Variants in ZFHX3 observed in about 807,000 individuals in gnomAD.
ZFHX3 encodes the protein zinc finger homeobox protein 3.
In ZFHX3, 42 loss-of-function variants were observed where a neutral mutation model predicts 279.1. That is an observed-to-expected ratio of 0.15 (90% confidence interval 0.12 to 0.19). The LOEUF is 0.19. ZFHX3 is among the 10% of genes least tolerant of loss of function. ZFHX3 has a pLI of 1.00. For synonymous variants in ZFHX3, 2,293 were observed against 1,957.8 expected, an observed-to-expected ratio of 1.17 and a Z score of -4.52; for missense variants, 4,981 against 4,754.0, an observed-to-expected ratio of 1.05 and a Z score of -1.40.
At position 73,757,454 on chromosome 16, in the gene ZFHX3, G is replaced by GT. The variant is rs530679388; in HGVS notation, c.-1607-77215dup. ...CAACTTACTCTTTTTCTACAATTCA[G>GT]TTTTTTCGTCTATGAAAATCAGAAA... On this transcript the variant is annotated intron_variant, in intron 1 of 17. Transcript: ENST00000641206. 2.6e-5 allele frequency among the ~76,000 whole-genome samples: 4 copies of GT among 152,134 alleles called. No individual in the cohort carries two copies. In the South Asian group the frequency reaches 8.3e-4, roughly 31 times the overall value.
intron 1 of ZFHX3, among the ~76,000 whole-genome samples, chr16:73,687,319 G>T (rs1273060105): frequency 6.6e-6 from 1 of 150,980 alleles, no homozygotes; most frequent in Non-Finnish European, 1.5e-5. Context: ...TTGAGCTTGG[G>T]AGGTGGAGGC....
chr16:73,262,258 CT>C (rs2013847693), intron 4 of ZFHX3, among the ~76,000 whole-genome samples: 1 of 152,108 alleles, frequency 6.6e-6, no homozygotes, highest in African/African-American at 2.4e-5. Context: ...CAAGAAAAAC[CT>C]TTTAAAAGCA....
At chr16:72,888,530 G>A (rs549919804) in intron 4 of ZFHX3, among the ~76,000 whole-genome samples, 2 of 152,326 alleles carry the variant, frequency 1.3e-5, no homozygotes, top group South Asian at 4.1e-4. Flanking sequence ...CCGAGGACCA[G>A]GCCACAGTGC....
At chr16:73,646,584 G>A (rs2052620148) in intron 2 of ZFHX3, among the ~76,000 whole-genome samples, 1 of 152,000 alleles carries the variant, frequency 6.6e-6, no homozygotes, top group Non-Finnish European at 1.5e-5. Context: ...AGAAAGGAAA[G>A]ACAATTAATA....
At chr16:73,702,266 T>C (rs1005217979) in intron 1 of ZFHX3, among the ~76,000 whole-genome samples, 1 of 152,082 alleles carries the variant, frequency 6.6e-6, no homozygotes, top group Non-Finnish European at 1.5e-5. Flanking sequence ...AGAAAAGTCC[T>C]GAGCTGAAAC....
At position 73,613,743 on chromosome 16, in the gene ZFHX3, G is replaced by T. The variant is rs144020588; in HGVS notation, c.-1547+66437C>A. On this transcript the variant is annotated intron_variant, in intron 2 of 17. Coordinates refer to the ZFHX3 transcript ENST00000641206. The stretch of plus-strand genomic sequence containing the variant: ...GAGATTGTGTGCCCCGTTTCACTAG[G>T]CATGGTGCTCAGGATTGGTGCCGGC... Among the ~76,000 whole-genome samples, 277 of 152,276 alleles carry T rather than the reference G, an allele frequency of 1.8e-3. 2 individuals are homozygous for T. Among genetic ancestry groups the T allele is most frequent in the Middle Eastern group, 6.8e-3 (2 of 294 alleles).
intron 5 of ZFHX3, among the ~76,000 whole-genome samples, chr16:73,156,250 A>C (rs559433033): frequency 6.7e-6 from 1 of 149,940 alleles, no homozygotes; most frequent in Admixed American, 6.6e-5. Flanking sequence ...AAAAAAAAAA[A>C]AGACTATATA....
chr16:73,493,151 G>C (rs141965127), intron 2 of ZFHX3, among the ~76,000 whole-genome samples: 80 of 151,818 alleles, frequency 5.3e-4, no homozygotes, highest in African/African-American at 1.8e-3. Context: ...CTTTCAGTCT[G>C]TCTTGTGTCA....
intron 1 of ZFHX3, among the ~76,000 whole-genome samples, chr16:73,769,039 A>G (rs1597105953): frequency 6.6e-6 from 1 of 152,140 alleles, no homozygotes; most frequent in South Asian, 2.1e-4. Context: ...TACTTAAAAA[A>G]TGATTCATTG....
chr16:73,275,984 T>TGG lies in ZFHX3; in HGVS notation c.-1193-18850_-1193-18849dup, dbSNP rs138806449. On this transcript the variant is annotated intron_variant, in intron 4 of 17. Transcript: ENST00000641206. The stretch of plus-strand genomic sequence containing the variant: ...GAAAGTTAGGGGCGGTCAAGAGTGA[T>TGG]GGGGGGGGACAGGGAAGGATGATAT... Among the ~76,000 whole-genome samples the TGG allele has an allele frequency of 4.2e-3, 637 of 151,174 alleles. 4 individuals are homozygous for TGG. Among genetic ancestry groups the TGG allele is most frequent in the African/African-American group, 0.015 (608 of 41,098 alleles).
At chr16:73,444,229 G>T (rs2018143473) in intron 3 of ZFHX3, among the ~76,000 whole-genome samples, 2 of 152,220 alleles carry the variant, frequency 1.3e-5, no homozygotes, top group South Asian at 4.1e-4. Context: ...TGAACAAGCT[G>T]CTGTTCCCTC....
At chr16:73,357,196 TTAA>T (rs1295865197) in intron 3 of ZFHX3, among the ~76,000 whole-genome samples, 7 of 151,830 alleles carry the variant, frequency 4.6e-5, no homozygotes, top group Admixed American at 6.6e-5. Context: ...AGAATAGATC[TTAA>T]TAATAATAAT....
intron 3 of ZFHX3, among the ~76,000 whole-genome samples, chr16:73,341,095 C>G (rs1363022178): frequency 6.6e-6 from 1 of 152,152 alleles, no homozygotes. Context: ...GTAATCCCAG[C>G]ACTTTGGGAG....
At chr16:73,821,871 A>C (rs1307719200) in intron 1 of ZFHX3, among the ~76,000 whole-genome samples, 1 of 152,088 alleles carries the variant, frequency 6.6e-6, no homozygotes, top group Non-Finnish European at 1.5e-5. Flanking sequence ...TAAAGGCACC[A>C]CTCACATGCT....
chr16:72,886,345 G>A (rs932167459), intron 4 of ZFHX3, among the ~76,000 whole-genome samples: 2 of 151,850 alleles, frequency 1.3e-5, no homozygotes, highest in African/African-American at 4.8e-5. Context: ...CTTGACATAC[G>A]GAAGGGAAGT....
chr16:72,927,693 G>A (rs1011413959), intron 3 of ZFHX3, among the ~76,000 whole-genome samples: 1 of 151,982 alleles, frequency 6.6e-6, no homozygotes, highest in African/African-American at 2.4e-5. Flanking sequence ...CCGCCCGGGG[G>A]AGCTGCAGCA....
intron 5 of ZFHX3, among the ~76,000 whole-genome samples, chr16:73,250,111 G>C (rs1405118230): frequency 2.0e-5 from 3 of 152,158 alleles, no homozygotes; most frequent in Non-Finnish European, 2.9e-5. Context: ...ATGAAGGCAG[G>C]TGTACTTTCC....
chr16:73,122,375 T>A (rs999074408), intron 7 of ZFHX3, among the ~76,000 whole-genome samples: 4 of 151,680 alleles, frequency 2.6e-5, no homozygotes, highest in South Asian at 4.2e-4. Flanking sequence ...TTTTTGTATT[T>A]TTTTTTTTTT....
chr16:73,532,544 T>C (rs1315095241), intron 2 of ZFHX3, among the ~76,000 whole-genome samples: 1 of 152,176 alleles, frequency 6.6e-6, no homozygotes, highest in East Asian at 1.9e-4. Context: ...ATTAGTTAAC[T>C]CTGAAAGCAT....
Sources: gnomAD v4.1 joint callset for allele counts (sites outside exome capture counted in the v4.1 genomes callset) on GRCh38, gnomAD v4.1.1 for gene constraint, MANE v1.5 for transcripts, NCBI Gene and HGNC (gene_info 2026-07-23, HGNC 2026-07-21) for gene names.